NXNL2: variants seen among roughly 807,000 people sequenced by gnomAD.
NXNL2 encodes nucleoredoxin like 2.
In NXNL2, 7 loss-of-function variants were observed where a neutral mutation model predicts 11.1. The observed-to-expected ratio is 0.63, with a 90% CI of 0.36 to 1.18. The LOEUF (loss-of-function observed/expected upper bound fraction) is 1.18. NXNL2 is among the 50% of genes most tolerant of loss of function. NXNL2 has a pLI of 0.02. For missense variants in NXNL2, 233 were observed against 217.7 expected (o/e 1.07, Z -0.44); for synonymous variants, 109 against 101.8 (o/e 1.07, Z -0.42).
At chr9:88,536,813 G>T (rs918450112) in intron 1 of NXNL2, among the ~76,000 whole-genome samples, 10 of 152,198 alleles carry the variant, frequency 6.6e-5, no homozygotes, top group Non-Finnish European at 1.5e-5. Flanking sequence ...CAGCCTTCCA[G>T]GGGGGTAACC....
chr9:88,556,973 C>A (rs1372058836), intron 1 of NXNL2, among the ~76,000 whole-genome samples: 1 of 149,522 alleles, frequency 6.7e-6, no homozygotes, highest in Non-Finnish European at 1.5e-5. Flanking sequence ...CCCAGCTACT[C>A]AGGAGGCTGA....
intron 1 of NXNL2, 23 bp downstream of exon 1, chr9:88,535,759 CG>C: frequency 3.4e-6 from 4 of 1,168,056 alleles, no homozygotes; most frequent in East Asian, 3.7e-5. Context: ...CCTGGGGGGG[CG>C]GGGGCCGCCC....
chr9:88,568,400 C>T (rs1477222903), intron 1 of NXNL2, among the ~76,000 whole-genome samples: 1 of 152,144 alleles, frequency 6.6e-6, no homozygotes, highest in Non-Finnish European at 1.5e-5. Context: ...GGTGTCGTCC[C>T]TGGCCAGACA....
Position 88,539,038 on chromosome 9 carries a change from G to A in NXNL2, c.302+3302G>A, listed in dbSNP as rs527318314. Among the ~76,000 whole-genome samples the A allele has an allele frequency of 2.0e-5, 3 of 152,308 alleles. No individual in the cohort carries two copies. In the South Asian group the frequency reaches 6.2e-4, roughly 32 times the overall value. On this transcript the variant is annotated intron_variant, in intron 1 of 1. Transcript: ENST00000375854. Reference sequence around the variant, plus strand: ...CTCCCCGTGCTGTCAGGGGCACCATGCCCAGCCTCCTCTCCGCTTGCTGTC... The same window carrying A: ...CTCCCCGTGCTGTCAGGGGCACCATACCCAGCCTCCTCTCCGCTTGCTGTC...
intron 1 of NXNL2, among the ~76,000 whole-genome samples, chr9:88,550,565 T>C (rs577325926): frequency 6.6e-6 from 1 of 152,360 alleles, no homozygotes; most frequent in African/African-American, 2.4e-5. Flanking sequence ...GTGGGACATC[T>C]TGAAGCAGGG....
At chr9:88,569,014 C>T (rs781285961) in intron 1 of NXNL2, among the ~76,000 whole-genome samples, 1 of 152,132 alleles carries the variant, frequency 6.6e-6, no homozygotes, top group African/African-American at 2.4e-5. Flanking sequence ...GCAGCCTCAA[C>T]CTCTCAGGCT....
downstream of NXNL2, among the ~76,000 whole-genome samples, chr9:88,577,826 C>T (rs535118165): frequency 6.6e-6 from 1 of 152,320 alleles, no homozygotes; most frequent in Admixed American, 6.5e-5. Flanking sequence ...ATATGAACTA[C>T]GGGCACATGA....
chr9:88,556,258 G>C (rs1029480401), intron 1 of NXNL2, among the ~76,000 whole-genome samples: 1 of 152,174 alleles, frequency 6.6e-6, no homozygotes, highest in Non-Finnish European at 1.5e-5. Flanking sequence ...TGTCACATGG[G>C]GAGGCCACCT....
chr9:88,551,796 T>G (rs983582924), intron 1 of NXNL2, among the ~76,000 whole-genome samples: 1 of 152,210 alleles, frequency 6.6e-6, no homozygotes, highest in African/African-American at 2.4e-5. Context: ...TTGTCACATT[T>G]ACCAGAAAGC....
At chr9:88,582,281 A>T (rs1023811808) in intron 1 of NXNL2, among the ~76,000 whole-genome samples, 3 of 152,146 alleles carry the variant, frequency 2.0e-5, no homozygotes, top group Non-Finnish European at 2.9e-5. Flanking sequence ...CATCCTGGCT[A>T]ACACGGTGAA....
downstream of NXNL2, among the ~76,000 whole-genome samples, chr9:88,577,233 C>T (rs1236438653): frequency 2.0e-5 from 3 of 151,980 alleles, no homozygotes; most frequent in Non-Finnish European, 4.4e-5. Context: ...GGAATTAGCT[C>T]CCTGATTCCT....
chr9:88,572,622 C>T (rs1256406430), intron 2 of NXNL2, among the ~76,000 whole-genome samples: 1 of 152,212 alleles, frequency 6.6e-6, no homozygotes, highest in African/African-American at 2.4e-5. Context: ...GGCGATCGGC[C>T]TGTGCTGCGA....
intron 1 of NXNL2, among the ~76,000 whole-genome samples, chr9:88,570,282 C>G (rs1427413230): frequency 6.6e-6 from 1 of 152,004 alleles, no homozygotes; most frequent in Non-Finnish European, 1.5e-5. Flanking sequence ...CCATGTCCGG[C>G]TAATTTTGGC....
intron 1 of NXNL2, among the ~76,000 whole-genome samples, chr9:88,544,131 A>G (rs898270680): frequency 6.6e-6 from 1 of 152,322 alleles, no homozygotes; most frequent in African/African-American, 2.4e-5. Flanking sequence ...AGATCGCGCC[A>G]TTGCACTCTA....
intron 1 of NXNL2, among the ~76,000 whole-genome samples, chr9:88,561,393 A>G (rs1830083605): frequency 6.6e-6 from 1 of 152,246 alleles, no homozygotes; most frequent in Admixed American, 6.5e-5. Flanking sequence ...GTAAATTAAT[A>G]CTTAATAAAC....
chr9:88,539,664 C>T (rs1355412175), intron 1 of NXNL2: 1 of 152,320 alleles, frequency 6.6e-6, no homozygotes, highest in Non-Finnish European at 1.5e-5. Context: ...TTGGTTGTTT[C>T]TCGTTTCTTC....
downstream of NXNL2, among the ~76,000 whole-genome samples, chr9:88,549,602 CTG>C (rs1175208595): frequency 6.6e-6 from 1 of 152,190 alleles, no homozygotes; most frequent in Non-Finnish European, 1.5e-5. Flanking sequence ...TCCAACTACA[CTG>C]TGACTCCTGG....
intron 1 of NXNL2, among the ~76,000 whole-genome samples, chr9:88,561,231 C>A (rs1041060549): frequency 6.6e-6 from 1 of 152,126 alleles, no homozygotes; most frequent in Admixed American, 6.5e-5. Flanking sequence ...CCTAGCCTCC[C>A]AGCCTACATC....
chr9:88,583,700 G>A (rs1056904305), intron 1 of NXNL2, among the ~76,000 whole-genome samples: 2 of 152,172 alleles, frequency 1.3e-5, no homozygotes, highest in Non-Finnish European at 2.9e-5. Context: ...AAGCCCTCAC[G>A]CCCAATGTGA....
Sources: gnomAD v4.1 joint callset for allele counts (sites outside exome capture counted in the v4.1 genomes callset) on GRCh38, gnomAD v4.1.1 for gene constraint, MANE v1.5 for transcripts, NCBI Gene and HGNC (gene_info 2026-07-23, HGNC 2026-07-21) for gene names.